PDE4D: variants seen among roughly 807,000 people sequenced by gnomAD.
PDE4D encodes phosphodiesterase 4D.
Under a neutral mutation model 87.4 loss-of-function variants are expected in PDE4D, and 24 were observed. The observed-to-expected ratio is 0.27, with a 90% confidence interval of 0.20 to 0.39. PDE4D has a LOEUF of 0.39. Among genes scored for constraint, PDE4D ranks in the 10% least tolerant of loss-of-function variants. The pLI is 1.00. For synonymous variants in PDE4D, 384 were observed against 383.2 expected, an observed-to-expected ratio of 1.00 and a Z score of -0.02; for missense variants, 714 against 1,041.0, an observed-to-expected ratio of 0.69 and a Z score of 4.32.
chr5:59,091,109 G>T (rs771739273), intron 5 of PDE4D: 106 of 453,946 alleles, frequency 2.3e-4, no homozygotes, highest in South Asian at 1.6e-3. Flanking sequence ...GAAATGCAAT[G>T]ATCCCATTAT....
intron 1 of PDE4D, among the ~76,000 whole-genome samples, chr5:60,461,666 C>T (rs963408635): frequency 6.6e-6 from 1 of 152,226 alleles, no homozygotes; most frequent in African/African-American, 2.4e-5. Flanking sequence ...CATGCTCACA[C>T]ACATGGTGGA....
chr5:59,032,804 T>C (rs1418030031), intron 6 of PDE4D, among the ~76,000 whole-genome samples: 1 of 152,204 alleles, frequency 6.6e-6, no homozygotes, highest in African/African-American at 2.4e-5. Flanking sequence ...ACATACATTA[T>C]AGCTAATGGT....
intron 1 of PDE4D, among the ~76,000 whole-genome samples, chr5:60,458,386 C>CAAAAAAAAAAAAAAAA (rs61006284): frequency 2.7e-5 from 2 of 75,186 alleles, no homozygotes; most frequent in African/African-American, 1.1e-4. Context: ...GACTTCATTG[C>CAAAAAAAAAAAAAAAA]AAAAAAAAAA....
intron 5 of PDE4D, among the ~76,000 whole-genome samples, chr5:59,117,615 T>C (rs1264348913): frequency 3.3e-5 from 5 of 152,222 alleles, no homozygotes; most frequent in African/African-American, 1.2e-4. Context: ...TATATGACTT[T>C]TTGGTTCTAT....
At chr5:59,218,298 G>A (rs1313556813) in intron 1 of PDE4D, among the ~76,000 whole-genome samples, 2 of 152,072 alleles carry the variant, frequency 1.3e-5, no homozygotes, top group Non-Finnish European at 2.9e-5. Flanking sequence ...ACAGAAGTGT[G>A]AGTTTTGGTT....
chr5:59,122,751 T>C (rs889273670), intron 5 of PDE4D, among the ~76,000 whole-genome samples: 9 of 152,234 alleles, frequency 5.9e-5, no homozygotes, highest in Non-Finnish European at 1.0e-4. Context: ...ATTTAGCACA[T>C]TTACAATGTT....
intron 1 of PDE4D, among the ~76,000 whole-genome samples, chr5:60,313,884 T>C (rs1385301961): frequency 1.3e-5 from 2 of 152,180 alleles, no homozygotes; most frequent in East Asian, 3.8e-4. Context: ...TTCAATAAAA[T>C]TAAGCATCAC....
At position 59,700,728 on chromosome 5, in the gene PDE4D, C is replaced by G. The variant is rs535272051; in HGVS notation, c.455+192440G>C. 5.9e-5 allele frequency among the ~76,000 whole-genome samples: 9 copies of G among 152,268 alleles called. No homozygotes were observed. The South Asian group carries it at 1.5e-3, about 25-fold the overall frequency. On this transcript the variant is annotated intron_variant, in intron 1 of 14. Coordinates refer to ENST00000340635, the MANE Select transcript of PDE4D (RefSeq NM_001104631.2). ...CTTCTTTGGTCTTATTTATCAATTACCAATATCAACTCAGTAAATGACTGG... is the reference window on the plus strand; with the variant it reads ...CTTCTTTGGTCTTATTTATCAATTAGCAATATCAACTCAGTAAATGACTGG...
At chr5:59,135,382 AG>A (rs1421735376) in intron 5 of PDE4D, among the ~76,000 whole-genome samples, 2 of 152,230 alleles carry the variant, frequency 1.3e-5, no homozygotes, top group Non-Finnish European at 2.9e-5. Context: ...CAGAGATGTT[AG>A]GGACATTATA....
intron 1 of PDE4D, among the ~76,000 whole-genome samples, chr5:59,728,313 T>C (rs1001102577): frequency 6.6e-6 from 1 of 152,124 alleles, no homozygotes; most frequent in African/African-American, 2.4e-5. Flanking sequence ...ACTTATACAA[T>C]GTTAACTTTC....
At chr5:60,175,172 C>G (rs745317976) in intron 2 of PDE4D, among the ~76,000 whole-genome samples, 10 of 151,936 alleles carry the variant, frequency 6.6e-5, no homozygotes, top group African/African-American at 9.7e-5. Flanking sequence ...GACTTATTTT[C>G]AAGTCCAGTG....
At position 59,664,651 on chromosome 5, in the gene PDE4D, A is replaced by G. The variant is rs531538595; in HGVS notation, c.455+228517T>C. Among the ~76,000 whole-genome samples, 5 of 152,300 alleles carry G rather than the reference A, an allele frequency of 3.3e-5. No homozygotes were observed. In the East Asian group the frequency reaches 9.6e-4, roughly 29 times the overall value. On this transcript the variant is annotated intron_variant, in intron 1 of 14. Transcript: ENST00000340635. ...TTCATTCATAAAGAGAGGTTTTCTG[A>G]TTTTTTAAAAGATAAAATTTGAAAA...
rs34131200 is a variant in PDE4D at position 59,136,040 on chromosome 5, C to A, written c.808+44555G>T. On this transcript the variant is annotated intron_variant, in intron 5 of 14. Coordinates refer to ENST00000340635, the MANE Select transcript of PDE4D (RefSeq NM_001104631.2). Reference sequence around the variant, plus strand: ...AAGACTAAATGATAAAAAAAAAAAACCCTAAACAAATTAAAATTTTTTGAA... The same window carrying A: ...AAGACTAAATGATAAAAAAAAAAAAACCTAAACAAATTAAAATTTTTTGAA... Among the ~76,000 whole-genome samples the A allele has an allele frequency of 2.7e-3, 392 of 146,908 alleles. 2 individuals carry two copies. The highest frequency in any genetic ancestry group is 4.5e-3 in the Non-Finnish European group (300 of 66,104).
At chr5:60,434,910 G>C (rs912069759) in intron 1 of PDE4D, among the ~76,000 whole-genome samples, 15 of 152,090 alleles carry the variant, frequency 9.9e-5, no homozygotes, top group African/African-American at 3.4e-4. Flanking sequence ...AATGAAAAAG[G>C]GAGTTAGAGA....
intron 1 of PDE4D, among the ~76,000 whole-genome samples, chr5:60,338,574 G>T (rs1357647298): frequency 1.3e-5 from 2 of 152,106 alleles, no homozygotes; most frequent in Non-Finnish European, 1.5e-5. Flanking sequence ...TCTTTCCAAG[G>T]TTCCATACAC....
intron 1 of PDE4D, among the ~76,000 whole-genome samples, chr5:59,845,367 CTA>C (rs1345506553): frequency 6.6e-6 from 1 of 152,046 alleles, no homozygotes; most frequent in Non-Finnish European, 1.5e-5. Flanking sequence ...CTGGCGCCAC[CTA>C]TATATTGTCC....
At chr5:59,834,053 C>T (rs1741645239) in intron 1 of PDE4D, among the ~76,000 whole-genome samples, 1 of 151,966 alleles carries the variant, frequency 6.6e-6, no homozygotes, top group Non-Finnish European at 1.5e-5. Context: ...GGAGACTGCC[C>T]TACAGAATTA....
At chr5:59,133,015 G>A (rs544343464) in intron 5 of PDE4D, among the ~76,000 whole-genome samples, 97 of 152,194 alleles carry the variant, frequency 6.4e-4, no homozygotes, top group Non-Finnish European at 1.2e-3. Context: ...AATTCTGCTT[G>A]TCCATTTCTG....
chr5:60,460,149 T>G, intron 1 of PDE4D: 3 of 1,598,844 alleles, frequency 1.9e-6, no homozygotes, highest in Non-Finnish European at 2.6e-6. Context: ...TCCTGCTGGC[T>G]TTATTCTGCA....
Sources: allele counts gnomAD v4.1 joint callset (sites outside exome capture counted in the v4.1 genomes callset), GRCh38; gene constraint gnomAD v4.1.1; transcripts MANE v1.5; gene names NCBI Gene and HGNC (gene_info 2026-07-23, HGNC 2026-07-21).